The following ANKS1A variants were observed in gnomAD, a reference collection of about 807,000 sequenced individuals.
ANKS1A encodes the protein ankyrin repeat and SAM domain-containing protein 1A.
Under a neutral mutation model 120.3 loss-of-function variants are expected in ANKS1A, and 55 were observed. That is an observed-to-expected ratio of 0.46 (90% CI 0.37 to 0.57). The LOEUF is 0.57. ANKS1A is among the 20% of genes least tolerant of loss of function. ANKS1A has a pLI of 0.00. For synonymous variants in ANKS1A, 590 were observed against 604.7 expected (o/e 0.98, Z 0.36); for missense variants, 1,123 against 1,480.3 (o/e 0.76, Z 3.96).
rs1357327937 is a variant in ANKS1A, at chr6:34,889,283, G to C, written c.-120G>C. On this transcript the variant is annotated 5_prime_UTR_variant, in exon 1 of 24. Transcript: ENST00000360359. The surrounding 1 kb of genome is among the most constrained non-coding windows in gnomAD (Gnocchi z 5.5). ...GACGCGCTCGTGGGGAAAAGGCAGG[G>C]AGGGGGTGGTGTCCCCAGCCGGTTT... The C allele has an allele frequency of 1.2e-5, 15 of 1,204,262 alleles. No individual in the cohort carries two copies. The highest frequency in any genetic ancestry group is 1.4e-5 in the Non-Finnish European group (14 of 966,810). The allele number at this position is 1,204,262 out of a possible 1,614,324, so 74.6% of individuals were successfully genotyped here.
At chr6:35,023,139 A>G (rs1235973668) in intron 11 of ANKS1A, among the ~76,000 whole-genome samples, 8 of 152,134 alleles carry the variant, frequency 5.3e-5, no homozygotes, top group Non-Finnish European at 7.3e-5. Flanking sequence ...TTCTCCCAAT[A>G]GCTGTTCTCT....
chr6:35,012,147 C>G (rs1773794220), intron 10 of ANKS1A, among the ~76,000 whole-genome samples: 1 of 152,170 alleles, frequency 6.6e-6, no homozygotes, highest in South Asian at 2.1e-4. Context: ...TAGCCTAAAT[C>G]CCAAAGCCCT....
chr6:34,965,742 C>T (rs1770862305), intron 1 of ANKS1A, among the ~76,000 whole-genome samples: 1 of 150,928 alleles, frequency 6.6e-6, no homozygotes. Flanking sequence ...TTTTAGTGCT[C>T]TGTCATTGTC....
intron 10 of ANKS1A, among the ~76,000 whole-genome samples, chr6:35,012,593 C>T (rs369340079): frequency 3.2e-4 from 49 of 152,294 alleles, no homozygotes; most frequent in African/African-American, 1.2e-3. Context: ...CATTCTTTAG[C>T]CTTAATTTAA....
intron 13 of ANKS1A, among the ~76,000 whole-genome samples, chr6:35,076,506 T>C (rs908995508): frequency 9.2e-5 from 14 of 152,250 alleles, no homozygotes; most frequent in African/African-American, 2.4e-4. Flanking sequence ...GACAGCAGCA[T>C]TGGGGCTGAA....
chr6:34,981,944 G>T lies in ANKS1A; in HGVS notation c.690G>T (p.Val230=), dbSNP rs1283958015. The T allele has an allele frequency of 6.2e-7, 1 of 1,614,130 alleles. No homozygotes were observed. The highest frequency in any genetic ancestry group is 1.1e-5 in the South Asian group (1 of 91,080). ...CAGCAAGGAATGGCCACAAAGCCGT[G>T]GTCCAGGTCCTCCTCGATGCTGGCA... ...HLAARNGHKA[V]VQVLLDAGMD... The change falls in exon 4 of 24, where the codon GTG becomes GTT. Residue 230 remains valine (V), a synonymous_variant. Transcript: ENST00000360359.
chr6:34,939,871 C>T (rs903348370), intron 1 of ANKS1A, among the ~76,000 whole-genome samples: 3 of 152,134 alleles, frequency 2.0e-5, no homozygotes, highest in Non-Finnish European at 1.5e-5. Flanking sequence ...TTGAAGATTT[C>T]AGGAATATTT....
chr6:34,962,776 G>A (rs541633462), intron 1 of ANKS1A, among the ~76,000 whole-genome samples: 26 of 151,842 alleles, frequency 1.7e-4, no homozygotes, highest in Admixed American at 5.2e-4. Context: ...GTGACAGAGC[G>A]AGACTCTGTC....
Position 35,057,737 on chromosome 6 carries a change from T to C in ANKS1A, c.2078-2410T>C, listed in dbSNP as rs1776286639. On this transcript the variant is annotated intron_variant, in intron 12 of 23. Transcript: ENST00000360359. The surrounding 1 kb of genome is among the most constrained non-coding windows in gnomAD (Gnocchi z 4.1). ...AGAAGTCCGTCCCCAATTTGTTTGGTATACTCACCTAAGGAACATCAAGTG... is the reference window on the plus strand; with the variant it reads ...AGAAGTCCGTCCCCAATTTGTTTGGCATACTCACCTAAGGAACATCAAGTG... 6.6e-6 allele frequency among the ~76,000 whole-genome samples: 1 copy of C among 152,214 alleles called. No homozygotes were observed. Among genetic ancestry groups the C allele is most frequent in the South Asian group, 2.1e-4 (1 of 4,834 alleles).
At chr6:34,938,078 G>T (rs1769346916) in intron 1 of ANKS1A, among the ~76,000 whole-genome samples, 1 of 152,102 alleles carries the variant, frequency 6.6e-6, no homozygotes, top group South Asian at 2.1e-4. Flanking sequence ...TCTAAGCTGG[G>T]AAAGGTCTGA....
intron 9 of ANKS1A, among the ~76,000 whole-genome samples, chr6:34,992,602 C>A (rs1240820220): frequency 6.6e-6 from 1 of 152,132 alleles, no homozygotes; most frequent in African/African-American, 2.4e-5. Flanking sequence ...GCCTGTGATG[C>A]CTGTGGTATT....
chr6:34,989,148 C>CCA (rs1025720468), intron 8 of ANKS1A, 76 bp from the exon 9 acceptor site: 18 of 1,395,612 alleles, frequency 1.3e-5, no homozygotes, highest in Non-Finnish European at 1.7e-5. Context: ...TTTCTAAGGG[C>CCA]TAAGATGAGG....
Position 34,989,335 on chromosome 6 carries a change from ATTCC to A in ANKS1A, c.1302+20_1302+23del. On this transcript the variant is annotated intron_variant, in intron 9 of 23. Transcript: ENST00000360359. ...TTCTGAGGTAGAGGGTTGTGGGTTT[ATTCC>A]CCATTGCTGAAATTTGAGTTTGTTG... is the stretch of plus-strand genomic sequence containing the variant. The A allele has an allele frequency of 1.9e-6, 3 of 1,604,540 alleles. No homozygotes were observed. Among genetic ancestry groups the A allele is most frequent in the Non-Finnish European group, 2.6e-6 (3 of 1,175,558 alleles).
rs1340078739 is a variant in ANKS1A, at chr6:34,917,937, G to T, written c.197+28338G>T. 2.0e-5 allele frequency among the ~76,000 whole-genome samples: 3 copies of T among 152,200 alleles called. No individual in the cohort carries two copies. In the East Asian group the frequency reaches 5.8e-4, roughly 29 times the overall value. On this transcript the variant is annotated intron_variant, in intron 1 of 23. Transcript: ENST00000360359. Reference sequence around the variant, plus strand: ...CCAGCTGCCCTCCTTTCACCTGGTAGTATACAGCCTCTTCCTAAAGAGCCT... The same window carrying T: ...CCAGCTGCCCTCCTTTCACCTGGTATTATACAGCCTCTTCCTAAAGAGCCT...
chr6:35,056,229 C>T (rs1033287345), intron 12 of ANKS1A, among the ~76,000 whole-genome samples: 4 of 152,180 alleles, frequency 2.6e-5, no homozygotes, highest in Admixed American at 6.5e-5. Context: ...GAGCTCTTCC[C>T]GTGACATCTG....
chr6:34,999,849 A>G (rs1773064148), intron 10 of ANKS1A, among the ~76,000 whole-genome samples: 1 of 152,156 alleles, frequency 6.6e-6, no homozygotes, highest in South Asian at 2.1e-4. Flanking sequence ...AGAGGAAAAG[A>G]CAGGAAGAGA....
intron 23 of ANKS1A, among the ~76,000 whole-genome samples, chr6:35,087,861 T>C (rs2762341): frequency 0.67 from 102,448 of 152,100 alleles, 34,685 homozygotes; most frequent in Middle Eastern, 0.84. Context: ...GTGGGTGGCA[T>C]GTGTGTGGAC....
At chr6:34,984,989 G>T in intron 7 of ANKS1A, 93 bp from the exon 8 acceptor site, 2 of 1,173,060 alleles carry the variant, frequency 1.7e-6, no homozygotes, top group Non-Finnish European at 2.4e-6. Context: ...TTGTGAGCGC[G>T]GGTGACTAAA....
At chr6:35,068,486 GGGTGT>G (rs1301993748) in intron 13 of ANKS1A, among the ~76,000 whole-genome samples, 2 of 152,174 alleles carry the variant, frequency 1.3e-5, no homozygotes, top group Non-Finnish European at 2.9e-5. Context: ...AATCCAGCAA[GGGTGT>G]GGCTTTGTCC....
Sources: allele counts gnomAD v4.1 joint callset (sites outside exome capture counted in the v4.1 genomes callset), GRCh38; gene constraint gnomAD v4.1.1; non-coding constraint Gnocchi (gnomAD v3.1); transcripts MANE v1.5; gene names NCBI Gene and HGNC (gene_info 2026-07-23, HGNC 2026-07-21).